Variants in SUSD4 observed in about 807,000 individuals in gnomAD.
SUSD4 encodes the protein sushi domain containing 4.
SUSD4 carries 41 observed loss-of-function variants against 50.5 expected under a neutral mutation model. The ratio of observed to expected loss-of-function variants is 0.81; its 90% confidence interval spans 0.63 to 1.05. The LOEUF (loss-of-function observed/expected upper bound fraction) is 1.05. Ranked by LOEUF, SUSD4 falls within the 50% of genes least tolerant of loss-of-function variation. The probability of loss-of-function intolerance (pLI) is 0.00; values close to 1 mark genes in which losing one functional copy is unlikely to be tolerated. For synonymous variants in SUSD4, 257 were observed against 257.3 expected (o/e 1.00, Z 0.01); for missense variants, 580 against 634.7 (o/e 0.91, Z 0.93).
chr1:223,293,216 C>G (rs910624383), intron 2 of SUSD4, among the ~76,000 whole-genome samples: 1 of 152,126 alleles, frequency 6.6e-6, no homozygotes, highest in Non-Finnish European at 1.5e-5. Context: ...CCTTCCTCCT[C>G]CTCTTACCCC....
rs376282352 is a variant in SUSD4 at position 223,223,275 on chromosome 1, G to T, written c.1418C>A (p.Thr473Asn). The change falls in exon 8 of 9, where the codon ACC becomes AAC. Residue 473 changes from threonine (T) to asparagine (N), a missense_variant. By Grantham distance (65) the Thr-to-Asn change is moderately conservative. Transcript: ENST00000366878. Reference sequence around the variant, plus strand: ...ATCTGCAATGTCGATGCCTGGGCTGGTGGATGCCACCTCCTCTGCCGTGCT... The same window carrying T: ...ATCTGCAATGTCGATGCCTGGGCTGTTGGATGCCACCTCCTCTGCCGTGCT... ...IASTAEEVAS[T>N]SPGIDIADEI... 2 of 1,556,900 alleles carry T rather than the reference G, an allele frequency of 1.3e-6. No homozygotes were observed. Among genetic ancestry groups the T allele is most frequent in the Non-Finnish European group, 1.7e-6 (2 of 1,154,324 alleles).
At chr1:223,233,708 TTCTTA>T in intron 5 of SUSD4, among the ~76,000 whole-genome samples, 1 of 152,318 alleles carries the variant, frequency 6.6e-6, no homozygotes, top group South Asian at 2.1e-4. Flanking sequence ...CTTTTTTCTG[TTCTTA>T]TCTTAGAACT....
chr1:223,229,555 G>C lies in SUSD4; in HGVS notation c.725-167C>G, dbSNP rs1327105611. 4.8e-6 allele frequency: 3 copies of C among 626,724 alleles called. No individual in the cohort carries two copies. Among genetic ancestry groups the C allele is most frequent in the South Asian group, 3.1e-5 (1 of 31,806 alleles). The allele number at this position is 626,724 out of a possible 1,614,324, so 38.8% of individuals were successfully genotyped here. ...ATGGTCTCTTTTTTAGTATTTCATG[G>C]AAGGCGGAATGGAAGCCTGCTGTAA... On this transcript the variant is annotated intron_variant, in intron 5 of 8. Coordinates refer to ENST00000366878, the MANE Select transcript of SUSD4 (RefSeq NM_017982.4). The surrounding 1 kb of genome is among the most constrained non-coding windows in gnomAD (Gnocchi z 4.7).
rs768358370 is a variant in SUSD4 at position 223,227,315 on chromosome 1, G to C, written c.1061+279C>G. On this transcript the variant is annotated intron_variant, in intron 7 of 8. Transcript: ENST00000366878. This position sits in a 1 kb window ranked among gnomAD's most constrained non-coding sequence, Gnocchi z 4.5. ...GTGCCTCTGGGTGGAGCAGTCCACA[G>C]CCTGTAGCCCTAACTCTGTGATCCC... 8.5e-5 allele frequency among the ~76,000 whole-genome samples: 13 copies of C among 152,162 alleles called. No individual in the cohort carries two copies. Among genetic ancestry groups the C allele is most frequent in the Non-Finnish European group, 7.3e-5 (5 of 68,032 alleles).
chr1:223,272,097 C>T (rs1022247433), intron 3 of SUSD4, among the ~76,000 whole-genome samples: 1 of 152,188 alleles, frequency 6.6e-6, no homozygotes, highest in African/African-American at 2.4e-5. Context: ...CGTGGTGGCA[C>T]ATGCCTATAA....
intron 3 of SUSD4, among the ~76,000 whole-genome samples, chr1:223,278,482 G>C (rs1405069918): frequency 6.6e-6 from 1 of 152,216 alleles, no homozygotes; most frequent in Admixed American, 6.5e-5. Context: ...ACAGCAGTCT[G>C]AGATCGAACT....
chr1:223,326,128 G>A (rs1666863193), intron 2 of SUSD4, among the ~76,000 whole-genome samples: 1 of 152,160 alleles, frequency 6.6e-6, no homozygotes, highest in Admixed American at 6.5e-5. Context: ...TACCAAAACA[G>A]CATGGTACTG....
intron 2 of SUSD4, among the ~76,000 whole-genome samples, chr1:223,334,010 T>C (rs1022753403): frequency 2.6e-5 from 4 of 152,132 alleles, no homozygotes; most frequent in African/African-American, 7.2e-5. Context: ...TGCCCAGGAA[T>C]AGATAAGACC....
intron 3 of SUSD4, among the ~76,000 whole-genome samples, chr1:223,273,927 TG>T (rs1353000691): frequency 6.6e-6 from 1 of 152,184 alleles, no homozygotes; most frequent in Non-Finnish European, 1.5e-5. Flanking sequence ...GCCTTAGCCA[TG>T]AGTAGAATAG....
At position 223,346,602 on chromosome 1, in the gene SUSD4, C is replaced by T. The variant is rs550679273; in HGVS notation, c.148+16676G>A. ...CAGATGGCTTGAATTTGGGACCCAG[C>T]CCCACCACTTCTAATTCTAGGACCC... On this transcript the variant is annotated intron_variant, in intron 2 of 8. Transcript: ENST00000366878. Among the ~76,000 whole-genome samples the T allele has an allele frequency of 3.3e-5, 5 of 152,222 alleles. No homozygotes were observed. The South Asian group carries it at 1.0e-3, about 32-fold the overall frequency.
intron 2 of SUSD4, among the ~76,000 whole-genome samples, chr1:223,325,523 A>G (rs1427265576): frequency 6.6e-6 from 1 of 152,200 alleles, no homozygotes; most frequent in Non-Finnish European, 1.5e-5. Flanking sequence ...CCCAAGCAAG[A>G]GCAATTAGGC....
At chr1:223,293,569 C>T (rs1664633705) in intron 2 of SUSD4, among the ~76,000 whole-genome samples, 1 of 152,166 alleles carries the variant, frequency 6.6e-6, no homozygotes, top group South Asian at 2.1e-4. Context: ...CCCAGAAGCC[C>T]AGGCAGGAGA....
intron 2 of SUSD4, among the ~76,000 whole-genome samples, chr1:223,293,893 T>C (rs34782082): frequency 0.43 from 65,533 of 151,562 alleles, 14,667 homozygotes; most frequent in African/African-American, 0.55. Flanking sequence ...TTCAACTGAC[T>C]AGATGTTGGG....
chr1:223,266,823 C>T (rs965196076), intron 4 of SUSD4, among the ~76,000 whole-genome samples: 2 of 152,182 alleles, frequency 1.3e-5, no homozygotes, highest in African/African-American at 4.8e-5. Flanking sequence ...TCAGACTGTC[C>T]AAGGCAACTT....
At chr1:223,321,211 C>G (rs1666551786) in intron 2 of SUSD4, among the ~76,000 whole-genome samples, 1 of 152,176 alleles carries the variant, frequency 6.6e-6, no homozygotes, top group African/African-American at 2.4e-5. Flanking sequence ...GGCTCAGGTA[C>G]CAGACCTGAG....
chr1:223,232,758 TGTG>T (rs2103006406), intron 5 of SUSD4, among the ~76,000 whole-genome samples: 1 of 152,320 alleles, frequency 6.6e-6, no homozygotes, highest in African/African-American at 2.4e-5. Flanking sequence ...GGCCGTGGGC[TGTG>T]GAGTTACCCA....
At chr1:223,238,792 A>G (rs1215920123) in intron 5 of SUSD4, among the ~76,000 whole-genome samples, 1 of 151,980 alleles carries the variant, frequency 6.6e-6, no homozygotes, top group Non-Finnish European at 1.5e-5. Context: ...ATATGGACTT[A>G]GAAGAATGTG....
At chr1:223,361,529 T>C (rs983073674) in intron 2 of SUSD4, among the ~76,000 whole-genome samples, 2 of 152,086 alleles carry the variant, frequency 1.3e-5, no homozygotes, top group Non-Finnish European at 2.9e-5. Context: ...AGGAACCTCA[T>C]AGGTGACTGT....
At chr1:223,248,340 G>C (rs1304112951) in intron 5 of SUSD4, among the ~76,000 whole-genome samples, 1 of 152,152 alleles carries the variant, frequency 6.6e-6, no homozygotes, top group Non-Finnish European at 1.5e-5. Context: ...CAGGGACTCT[G>C]CTCCCATATT....
Sources: gnomAD v4.1 joint callset for allele counts (sites outside exome capture counted in the v4.1 genomes callset) on GRCh38, gnomAD v4.1.1 for gene constraint, Gnocchi (gnomAD v3.1) non-coding constraint, MANE v1.5 for transcripts, NCBI Gene and HGNC (gene_info 2026-07-23, HGNC 2026-07-21) for gene names.